DACH2: variants seen among roughly 807,000 people sequenced by gnomAD.
The protein encoded by DACH2 is dachshund family transcription factor 2.
In DACH2, 17 loss-of-function variants were observed where a neutral mutation model predicts 35.8. The ratio of observed to expected loss-of-function variants is 0.48; its 90% CI spans 0.33 to 0.71. DACH2 has a LOEUF of 0.71. Among genes scored for constraint, DACH2 ranks in the 30% least tolerant of loss-of-function variants. The pLI, the probability that DACH2 is intolerant of heterozygous loss-of-function variation, is 0.02. For synonymous variants in DACH2, 195 were observed against 177.3 expected (o/e 1.10, Z -0.79); for missense variants, 469 against 472.7 (o/e 0.99, Z 0.07).
intron 1 of DACH2, among the ~76,000 whole-genome samples, chrX:86,213,193 G>A (rs2032487707): frequency 9.0e-6 from 1 of 111,162 alleles, no homozygotes. Context: ...CATAATCAAG[G>A]GGCCAAGGCT....
intron 1 of DACH2, among the ~76,000 whole-genome samples, chrX:86,251,289 A>T (rs748819206): frequency 9.8e-5 from 11 of 111,746 alleles, no homozygotes; most frequent in Non-Finnish European, 1.9e-4. Flanking sequence ...TTAAATGAAG[A>T]AATACTTTAG....
chrX:86,480,889 T>C (rs905116603), intron 2 of DACH2: 5 of 112,181 alleles, frequency 4.5e-5, no homozygotes, highest in Non-Finnish European at 9.4e-5. Context: ...TTATACTAAA[T>C]CAGTTGGATA....
chrX:86,645,295 A>G (rs1417181410), intron 3 of DACH2, among the ~76,000 whole-genome samples: 1 of 111,702 alleles, frequency 9.0e-6, no homozygotes, highest in African/African-American at 3.3e-5. Flanking sequence ...ACATGCAGCG[A>G]ACAAGCATAT....
At chrX:86,310,483 C>A (rs1348376707) in intron 1 of DACH2, among the ~76,000 whole-genome samples, 2 of 111,417 alleles carry the variant, frequency 1.8e-5, no homozygotes, top group Non-Finnish European at 3.8e-5. Context: ...GCACGATATG[C>A]AGGCACCACC....
intron 1 of DACH2, among the ~76,000 whole-genome samples, chrX:86,291,475 G>A (rs1224350813): frequency 1.9e-5 from 2 of 103,335 alleles, no homozygotes; most frequent in Non-Finnish European, 3.9e-5. Flanking sequence ...AATAGGAGTG[G>A]TGAGAGAGGG....
At chrX:86,793,114 A>C (rs940298500) in intron 7 of DACH2, among the ~76,000 whole-genome samples, 4 of 111,082 alleles carry the variant, frequency 3.6e-5, no homozygotes, top group Non-Finnish European at 5.7e-5. Flanking sequence ...CCTGATAATT[A>C]GTGATGTGGA....
intron 11 of DACH2, among the ~76,000 whole-genome samples, chrX:86,821,422 ACT>A (rs1255063057): frequency 9.0e-6 from 1 of 111,036 alleles, no homozygotes; most frequent in Non-Finnish European, 1.9e-5. Context: ...ATGGGAAAAG[ACT>A]CTAGCACACA....
rs963630494 is a variant in DACH2, at chrX:86,330,537, G to A, written c.489-46287G>A. 2.7e-5 allele frequency among the ~76,000 whole-genome samples: 3 copies of A among 111,387 alleles called. No individual in the cohort carries two copies. The Admixed American group carries it at 2.9e-4, about 11-fold the overall frequency. On this transcript the variant is annotated intron_variant, in intron 1 of 11. Transcript: ENST00000373125. ...AAATTATAGAAGGTGCAAGAGCTTG[G>A]TCTTACTGTCTTAGAATGTGCTTGG...
intron 2 of DACH2, among the ~76,000 whole-genome samples, chrX:86,427,431 G>C (rs1569395157): frequency 3.6e-5 from 4 of 111,197 alleles, no homozygotes; most frequent in Non-Finnish European, 1.9e-5. Flanking sequence ...TTATTTCTAT[G>C]AAATAAATTT....
At chrX:86,633,196 G>T (rs1018272412) in intron 3 of DACH2, among the ~76,000 whole-genome samples, 18 of 110,685 alleles carry the variant, frequency 1.6e-4, no homozygotes, top group African/African-American at 5.9e-4. Context: ...TAAACAAAAT[G>T]GATAAAGCTC....
chrX:86,472,917 T>A (rs2037783255), intron 2 of DACH2, among the ~76,000 whole-genome samples: 1 of 111,494 alleles, frequency 9.0e-6, no homozygotes, highest in Non-Finnish European at 1.9e-5. Context: ...CAAATTAAAA[T>A]TTTTTTTCTC....
intron 1 of DACH2, among the ~76,000 whole-genome samples, chrX:86,374,988 A>C: frequency 9.0e-6 from 1 of 110,605 alleles, no homozygotes; most frequent in Non-Finnish European, 1.9e-5. Flanking sequence ...TATAGAAGTC[A>C]CATTTTACTT....
chrX:86,819,686 C>G (rs2042489618), intron 11 of DACH2, among the ~76,000 whole-genome samples: 1 of 111,765 alleles, frequency 8.9e-6, no homozygotes, highest in East Asian at 2.8e-4. Flanking sequence ...TTAGCACTGA[C>G]AAGTGATTTC....
At chrX:86,228,936 G>A (rs2032887743) in intron 1 of DACH2, among the ~76,000 whole-genome samples, 1 of 111,755 alleles carries the variant, frequency 8.9e-6, no homozygotes, top group South Asian at 3.7e-4. Flanking sequence ...TCTGTTGACT[G>A]TTCCTTTTGC....
intron 1 of DACH2, among the ~76,000 whole-genome samples, chrX:86,318,474 G>A (rs1383334560): frequency 1.8e-5 from 2 of 111,517 alleles, no homozygotes; most frequent in South Asian, 7.5e-4. Context: ...AAAATGTCCA[G>A]GGTGGTTACA....
At chrX:86,435,520 C>T (rs1378025563) in intron 2 of DACH2, among the ~76,000 whole-genome samples, 1 of 111,322 alleles carries the variant, frequency 9.0e-6, no homozygotes, top group Non-Finnish European at 1.9e-5. Context: ...TATTATGATC[C>T]ATTCAGTATT....
intron 3 of DACH2, among the ~76,000 whole-genome samples, chrX:86,610,401 CTTTCTTTCTTTCTTTCT>C (rs1395452361): frequency 0.014 from 1,036 of 76,708 alleles, 30 homozygotes; most frequent in African/African-American, 0.056. Flanking sequence ...TTCTTTCTTT[CTTTCTTTCTTTCTTTCT>C]TTTCTTTCTT....
intron 1 of DACH2, among the ~76,000 whole-genome samples, chrX:86,259,380 C>T (rs7057755): frequency 0.39 from 42,949 of 110,406 alleles, 7,613 homozygotes; most frequent in African/African-American, 0.7. Flanking sequence ...CATATTAATT[C>T]CATGATTCGT....
chrX:86,247,149 A>G (rs1038149797), intron 1 of DACH2, among the ~76,000 whole-genome samples: 1 of 111,779 alleles, frequency 8.9e-6, no homozygotes, highest in African/African-American at 3.2e-5. Flanking sequence ...ATATGCATCT[A>G]ACACTGGAGC....
Sources: gnomAD v4.1 joint callset for allele counts (sites outside exome capture counted in the v4.1 genomes callset) on GRCh38, gnomAD v4.1.1 for gene constraint, MANE v1.5 for transcripts, NCBI Gene and HGNC (gene_info 2026-07-23, HGNC 2026-07-21) for gene names.